Variants in TGFBR3 observed in about 807,000 individuals in gnomAD.
TGFBR3 encodes transforming growth factor beta receptor type 3.
In TGFBR3, 46 loss-of-function variants were observed where a neutral mutation model predicts 87.9. The ratio of observed to expected loss-of-function variants is 0.52; its 90% CI spans 0.41 to 0.67. TGFBR3 has a LOEUF of 0.67. Among genes scored for constraint, TGFBR3 ranks in the 30% least tolerant of loss-of-function variants. TGFBR3 has a pLI of 0.00. For synonymous variants in TGFBR3, 381 were observed against 391.6 expected, an observed-to-expected ratio of 0.97 and a Z score of 0.32; for missense variants, 866 against 1,041.9, an observed-to-expected ratio of 0.83 and a Z score of 2.32.
At position 91,690,459 on chromosome 1, in the gene TGFBR3, G is replaced by A. The variant is rs367807362; in HGVS notation, c.2437+5213C>T. Reference sequence around the variant, plus strand: ...GGCTCACCTGGGCTTCTTTTGCTCAGCCTAAAAGGAGATAAAGCCAGATGG... The same window carrying A: ...GGCTCACCTGGGCTTCTTTTGCTCAACCTAAAAGGAGATAAAGCCAGATGG... On this transcript the variant is annotated intron_variant, in intron 16 of 16. Transcript: ENST00000212355. Among the ~76,000 whole-genome samples, 105 of 152,176 alleles carry A rather than the reference G, an allele frequency of 6.9e-4. 1 individual carries two copies. In the South Asian group the frequency reaches 0.016, roughly 23 times the overall value.
At chr1:91,810,061 T>G (rs761353249) in intron 2 of TGFBR3, among the ~76,000 whole-genome samples, 4 of 152,088 alleles carry the variant, frequency 2.6e-5, no homozygotes, top group Non-Finnish European at 4.4e-5. Context: ...CACAGTTTTT[T>G]GGGGGTAAGT....
At chr1:91,845,150 T>C (rs1478294923) in intron 2 of TGFBR3, among the ~76,000 whole-genome samples, 1 of 152,184 alleles carries the variant, frequency 6.6e-6, no homozygotes, top group African/African-American at 2.4e-5. Flanking sequence ...CTTTCCTGAG[T>C]TCAGGGAGAT....
chr1:91,797,359 A>G lies in TGFBR3; in HGVS notation c.174T>C (p.Thr58=). 2 of 1,614,228 alleles carry G rather than the reference A, an allele frequency of 1.2e-6. No homozygotes were observed. Among genetic ancestry groups the G allele is most frequent in the Admixed American group, 1.7e-5 (1 of 60,038 alleles). ...GGACATGCACCTCCTGTGGCAGCCC[A>G]GTTGTGCCTCTGCTGGCACAGCCTG... ...VLSGCASRGT[T]GLPQEVHVLN... The change falls in exon 3 of 17, where the codon ACT becomes ACC. Residue 58 remains threonine (T), a synonymous_variant. Coordinates refer to ENST00000212355, the MANE Select transcript of TGFBR3 (RefSeq NM_003243.5).
chr1:91,874,330 G>A (rs1028962287), intron 1 of TGFBR3, among the ~76,000 whole-genome samples: 11 of 152,148 alleles, frequency 7.2e-5, no homozygotes, highest in African/African-American at 2.7e-4. Context: ...CGTATCTGGC[G>A]TGCTCAGGGA....
chr1:91,860,422 GA>G (rs1431263111), intron 2 of TGFBR3, among the ~76,000 whole-genome samples: 6 of 152,116 alleles, frequency 3.9e-5, no homozygotes, highest in Admixed American at 1.3e-4. Flanking sequence ...CCAGTTTCCA[GA>G]ACTGGTCCAA....
chr1:91,885,203 T>G (rs1679246499), intron 1 of TGFBR3, among the ~76,000 whole-genome samples: 1 of 152,242 alleles, frequency 6.6e-6, no homozygotes, highest in Non-Finnish European at 1.5e-5. Context: ...TAATTCATGC[T>G]TGACACGTCG....
chr1:91,790,786 CAGAT>C (rs1239049791), intron 3 of TGFBR3, among the ~76,000 whole-genome samples: 1 of 152,056 alleles, frequency 6.6e-6, no homozygotes, highest in African/African-American at 2.4e-5. Flanking sequence ...AAAAATGCCC[CAGAT>C]AGAGAAAAGA....
rs1364797478 is a variant in TGFBR3 at position 91,682,391 on chromosome 1, C to T, written c.*1348G>A. The stretch of plus-strand genomic sequence containing the variant: ...AGTAAAATAATTTAGCATGATAATT[C>T]CCCCCTGGCATTCTTTTTTTTTTTT... On this transcript the variant is annotated 3_prime_UTR_variant, in exon 17 of 17. Coordinates refer to ENST00000212355, the MANE Select transcript of TGFBR3 (RefSeq NM_003243.5). The T allele has an allele frequency of 4.6e-6, 2 of 438,928 alleles. No homozygotes were observed. The highest frequency in any genetic ancestry group is 9.0e-6 in the Non-Finnish European group (2 of 223,450). 27.2% of individuals were successfully genotyped at this position (438,928 alleles called of 1,614,324 possible).
chr1:91,884,066 A>C (rs1679197210), intron 1 of TGFBR3, among the ~76,000 whole-genome samples: 1 of 152,216 alleles, frequency 6.6e-6, no homozygotes, highest in Non-Finnish European at 1.5e-5. Flanking sequence ...TCACACCTGT[A>C]ATCCCAGCAC....
At chr1:91,729,723 G>T in intron 6 of TGFBR3, 82 bp downstream of exon 6, 2 of 1,527,852 alleles carry the variant, frequency 1.3e-6, no homozygotes, top group Non-Finnish European at 1.8e-6. Context: ...GGTGTAGGAC[G>T]GGCTACACCT....
intron 2 of TGFBR3, among the ~76,000 whole-genome samples, chr1:91,857,358 A>T (rs1014498091): frequency 3.0e-5 from 4 of 135,148 alleles, no homozygotes; most frequent in South Asian, 2.3e-4. Flanking sequence ...CCATTTATTT[A>T]AAAAAAAAAA....
chr1:91,769,894 C>T (rs1049932144), intron 3 of TGFBR3, among the ~76,000 whole-genome samples: 1 of 152,140 alleles, frequency 6.6e-6, no homozygotes, highest in African/African-American at 2.4e-5. Flanking sequence ...CACCGTAACT[C>T]TGGTAAAGCA....
Position 91,708,762 on chromosome 1 carries a change from A to C in TGFBR3, c.2188T>G (p.Cys730Gly). The change falls in exon 14 of 17, where the codon TGC becomes GGC. Residue 730 changes from cysteine to glycine, a missense_variant. Cys to Gly is a radical substitution (Grantham distance 159). Transcript: ENST00000212355. ...ATTATCGAGGCGTCCAGCGAGGTGC[A>C]GGCTTCGTCAGGAGGCACACACTGC... ...LPKCVPPDEACTSLDASIIWA... is the reference protein window; with the variant it reads ...LPKCVPPDEAGTSLDASIIWA... 6.2e-7 allele frequency: 1 copy of C among 1,614,024 alleles called. No individual in the cohort carries two copies. Among genetic ancestry groups the C allele is most frequent in the Non-Finnish European group, 8.5e-7 (1 of 1,179,974 alleles).
At chr1:91,903,365 A>AAAAAAAAC in intron 1 of TGFBR3, among the ~76,000 whole-genome samples, 1 of 149,978 alleles carries the variant, frequency 6.7e-6, no homozygotes, top group Non-Finnish European at 1.5e-5. Context: ...AAAAAAAAAA[A>AAAAAAAAC]ATTGCCAGTC....
intron 3 of TGFBR3, chr1:91,786,057 G>A (rs756433346): frequency 2.7e-6 from 1 of 372,742 alleles, no homozygotes; most frequent in Non-Finnish European, 5.3e-6. Flanking sequence ...AGCCACCACA[G>A]CTGGCCTTCT....
intron 2 of TGFBR3, among the ~76,000 whole-genome samples, chr1:91,819,784 C>T (rs936193599): frequency 2.6e-5 from 4 of 152,190 alleles, no homozygotes; most frequent in African/African-American, 9.7e-5. Context: ...CTTCTCTGCT[C>T]ATGCGATGAT....
intron 16 of TGFBR3, among the ~76,000 whole-genome samples, chr1:91,692,207 G>C (rs2391026): frequency 0.16 from 23,941 of 152,144 alleles, 2,505 homozygotes; most frequent in East Asian, 0.4. Flanking sequence ...AGAGGATGGT[G>C]GGGGAAGGGG....
intron 14 of TGFBR3, among the ~76,000 whole-genome samples, chr1:91,701,903 G>C (rs989728016): frequency 6.6e-6 from 1 of 152,038 alleles, no homozygotes; most frequent in Non-Finnish European, 1.5e-5. Flanking sequence ...CCCTTTTTCT[G>C]GATTCTTTCA....
At chr1:91,687,548 G>A (rs1186764274) in intron 16 of TGFBR3, among the ~76,000 whole-genome samples, 6 of 152,158 alleles carry the variant, frequency 3.9e-5, no homozygotes, top group Non-Finnish European at 5.9e-5. Flanking sequence ...AATAGCATGG[G>A]AGGACTCTGT....
Sources: allele counts gnomAD v4.1 joint callset (sites outside exome capture counted in the v4.1 genomes callset), GRCh38; gene constraint gnomAD v4.1.1; transcripts MANE v1.5; gene names NCBI Gene and HGNC (gene_info 2026-07-23, HGNC 2026-07-21).